RADIL: variants seen among roughly 807,000 people sequenced by gnomAD.
The protein encoded by RADIL is Rap associating with DIL domain.
A neutral mutation model predicts 97.6 loss-of-function variants in RADIL; 99 were observed. The ratio of observed to expected loss-of-function variants is 1.01; its 90% CI spans 0.86 to 1.20. The LOEUF (loss-of-function observed/expected upper bound fraction) is 1.20. Ranked by LOEUF, RADIL falls within the 50% of genes most tolerant of loss-of-function variation. The pLI, the probability that RADIL is intolerant of heterozygous loss-of-function variation, is 0.00. For missense variants in RADIL, 1,765 were observed against 1,498.9 expected (o/e 1.18, Z -2.93); for synonymous variants, 803 against 691.8 (o/e 1.16, Z -2.52).
chr7:4,819,003 A>G lies in RADIL; in HGVS notation c.1616-1652T>C, dbSNP rs1478704284. On this transcript the variant is annotated intron_variant, in intron 6 of 14. Transcript: ENST00000399583. This position sits in a 1 kb window ranked among gnomAD's most constrained non-coding sequence, Gnocchi z 5.8. ...CCAATCTACCCGCCTTGGCCCCCCA[A>G]AGTGCTGGGATTACAGGCATGCACC... Among the ~76,000 whole-genome samples, 4 of 151,342 alleles carry G rather than the reference A, an allele frequency of 2.6e-5. No individual in the cohort carries two copies. Among genetic ancestry groups the G allele is most frequent in the East Asian group, 1.9e-4 (1 of 5,154 alleles).
Position 4,799,873 on chromosome 7 carries a change from T to A in RADIL, c.2983-104A>T, listed in dbSNP as rs1316860880. On this transcript the variant is annotated intron_variant, in intron 13 of 14. Transcript: ENST00000399583. ...GGCACCTACAGGCCCCCGCCTGGCA[T>A]CCAGCCAGGCCCACTCATGGTTTCA... 7 of 1,402,648 alleles carry A rather than the reference T, an allele frequency of 5.0e-6. No homozygotes were observed. In the South Asian group the frequency reaches 7.5e-5, roughly 15 times the overall value. 86.9% of individuals were successfully genotyped at this position (1,402,648 alleles called of 1,614,324 possible).
At chr7:4,832,741 C>CAAAAAAAAAAA (rs71032992) in intron 4 of RADIL, among the ~76,000 whole-genome samples, 1 of 66,520 alleles carries the variant, frequency 1.5e-5, no homozygotes. Context: ...TCCGTCTCAG[C>CAAAAAAAAAAA]AAAAAAAAAA....
chr7:4,828,824 C>T (rs1783065520), intron 5 of RADIL, among the ~76,000 whole-genome samples: 1 of 152,230 alleles, frequency 6.6e-6, no homozygotes, highest in African/African-American at 2.4e-5. Context: ...GAACACACAG[C>T]ACGAGCGGGC....
At position 4,815,496 on chromosome 7, in the gene RADIL, G is replaced by A; in HGVS notation, c.1967-46C>T. On this transcript the variant is annotated intron_variant, in intron 8 of 14. Transcript: ENST00000399583. The surrounding 1 kb of genome is among the most constrained non-coding windows in gnomAD (Gnocchi z 8.0). ...GGTGATGCCTGGGCTGCCCTCCTGG[G>A]GGGACACAGACATGGGCCTGTCCCC... The A allele has an allele frequency of 1.4e-6, 2 of 1,451,804 alleles. No homozygotes were observed. Among genetic ancestry groups the A allele is most frequent in the South Asian group, 2.9e-5 (2 of 69,104 alleles). The allele number at this position is 1,451,804 out of a possible 1,614,324, so 89.9% of individuals were successfully genotyped here. A position where few individuals can be genotyped will look rare whatever the true frequency, so the allele number is the denominator to read the frequency against.
rs202242127 is a variant in RADIL, at chr7:4,803,704, C to T, written c.2341G>A (p.Asp781Asn). 75 of 1,567,208 alleles carry T rather than the reference C, an allele frequency of 4.8e-5. No homozygotes were observed. Among genetic ancestry groups the T allele is most frequent in the African/African-American group, 8.1e-5 (6 of 73,710 alleles). ...ENPPPIVLPSDGFQVDLEANC... is the reference protein window; with the variant it reads ...ENPPPIVLPSNGFQVDLEANC... ...GCTTCCAAGTCCACCTGGAAGCCGT[C>T]GCTGGGCAGGACGATGGGTGGGGGG... Residue 781 changes from aspartate to asparagine, a missense_variant, in exon 11 of 15, where the codon GAC becomes AAC. Asp to Asn is a conservative substitution (Grantham distance 23). Coordinates refer to ENST00000399583, the MANE Select transcript of RADIL (RefSeq NM_018059.5).
chr7:4,835,375 C>A lies in RADIL; in HGVS notation c.784-136G>T, dbSNP rs971503643. 6.9e-6 allele frequency: 8 copies of A among 1,157,824 alleles called. No homozygotes were observed. Among genetic ancestry groups the A allele is most frequent in the Non-Finnish European group, 9.7e-6 (8 of 825,692 alleles). 71.7% of individuals were successfully genotyped at this position (1,157,824 alleles called of 1,614,324 possible). On this transcript the variant is annotated intron_variant, in intron 3 of 14. Transcript: ENST00000399583. This position sits in a 1 kb window ranked among gnomAD's most constrained non-coding sequence, Gnocchi z 5.8. ...CGGGCTCTCCATGTCCCTGGCCACC[C>A]CCACACCAGAACCCCGACGGCTCTC...
intron 2 of RADIL, among the ~76,000 whole-genome samples, chr7:4,876,153 T>A (rs1360552059): frequency 6.6e-6 from 1 of 151,670 alleles, no homozygotes; most frequent in Non-Finnish European, 1.5e-5. Flanking sequence ...CATGCCTGGC[T>A]AATTTTTTTA....
intron 5 of RADIL, among the ~76,000 whole-genome samples, chr7:4,825,854 C>A (rs920492513): frequency 6.9e-6 from 1 of 145,340 alleles, no homozygotes; most frequent in Non-Finnish European, 1.5e-5. Flanking sequence ...TGTACTCCAG[C>A]CTGGGCTACA....
chr7:4,807,261 G>T (rs1484262667), intron 9 of RADIL, among the ~76,000 whole-genome samples: 1 of 151,810 alleles, frequency 6.6e-6, no homozygotes, highest in Admixed American at 6.6e-5. Context: ...GAGGGGTGAG[G>T]GCACAGAACG....
At position 4,815,509 on chromosome 7, in the gene RADIL, T is replaced by C. The variant is rs1387325065; in HGVS notation, c.1967-59A>G. 3 of 1,431,880 alleles carry C rather than the reference T, an allele frequency of 2.1e-6. No individual in the cohort carries two copies. Among genetic ancestry groups the C allele is most frequent in the Non-Finnish European group, 2.8e-6 (3 of 1,084,432 alleles). 88.7% of individuals were successfully genotyped at this position (1,431,880 alleles called of 1,614,324 possible). On this transcript the variant is annotated intron_variant, in intron 8 of 14. Coordinates refer to ENST00000399583, the MANE Select transcript of RADIL (RefSeq NM_018059.5). The surrounding 1 kb of genome is among the most constrained non-coding windows in gnomAD (Gnocchi z 8.0). ...CTGCCCTCCTGGGGGGACACAGACA[T>C]GGGCCTGTCCCCAGAGCCTGCCCTT...
In RADIL at chr7:4,867,176, GA is replaced by G. The variant is rs536643766; in HGVS notation, c.535+10428del. On this transcript the variant is annotated intron_variant, in intron 2 of 14. Transcript: ENST00000399583. This position sits in a 1 kb window ranked among gnomAD's most constrained non-coding sequence, Gnocchi z 4.1. ...TGGCAACAAGAAATGGACTAAAGCA[GA>G]GCCTAAAGGTGTTGAGGGGCACACA... is the stretch of plus-strand genomic sequence containing the variant. Among the ~76,000 whole-genome samples the G allele has an allele frequency of 2.0e-4, 31 of 152,238 alleles. No individual in the cohort carries two copies. Among genetic ancestry groups the G allele is most frequent in the Non-Finnish European group, 4.1e-4 (28 of 68,024 alleles).
At position 4,801,773 on chromosome 7, in the gene RADIL, T is replaced by C; in HGVS notation, c.2722A>G (p.Thr908Ala). Residue 908 changes from threonine (T) to alanine (A), a missense_variant, in exon 12 of 15, where the codon ACT (threonine) becomes GCT (alanine). By Grantham distance (58) the Thr-to-Ala change is moderately conservative (BLOSUM62 0). Coordinates refer to ENST00000399583, the MANE Select transcript of RADIL (RefSeq NM_018059.5). Reference protein sequence around the residue: ...DSSCLLTPPSTPLGPEPGDPD... With the variant: ...DSSCLLTPPSAPLGPEPGDPD... ...TCCCCAGGCTCAGGGCCAAGTGGAG[T>C]GCTGGGAGGCGTGAGCAAGCAGGAC... 2 of 1,610,232 alleles carry C rather than the reference T, an allele frequency of 1.2e-6. No individual in the cohort carries two copies. The highest frequency in any genetic ancestry group is 1.1e-5 in the South Asian group (1 of 90,728).
At position 4,814,043 on chromosome 7, in the gene RADIL, G is replaced by C. The variant is rs550557889; in HGVS notation, c.2139+1235C>G. 7.9e-5 allele frequency among the ~76,000 whole-genome samples: 12 copies of C among 152,212 alleles called. No homozygotes were observed. Among genetic ancestry groups the C allele is most frequent in the Non-Finnish European group, 1.5e-4 (10 of 68,020 alleles). ...GATCCTCCCACCTCAGCCTCTCAAA[G>C]CACTGGGAGGACAGGCATGAGCCAC... On this transcript the variant is annotated intron_variant, in intron 9 of 14. Transcript: ENST00000399583. The surrounding 1 kb of genome is among the most constrained non-coding windows in gnomAD (Gnocchi z 4.5).
In RADIL at chr7:4,815,227, C is replaced by T; in HGVS notation, c.2139+51G>A. 1 of 1,465,246 alleles carries T rather than the reference C, an allele frequency of 6.8e-7. No individual in the cohort carries two copies. The highest frequency in any genetic ancestry group is 9.1e-7 in the Non-Finnish European group (1 of 1,103,608). The allele number at this position is 1,465,246 out of a possible 1,614,324, so 90.8% of individuals were successfully genotyped here. On this transcript the variant is annotated intron_variant, in intron 9 of 14. Transcript: ENST00000399583. This position sits in a 1 kb window ranked among gnomAD's most constrained non-coding sequence, Gnocchi z 8.0. ...TGGTTTGTGAGCCAGGGACCCACAG[C>T]ATGTGGCCCCGCCCCTCCCCACACT...
intron 2 of RADIL, among the ~76,000 whole-genome samples, chr7:4,851,211 A>G (rs999287181): frequency 6.6e-6 from 1 of 151,708 alleles, no homozygotes; most frequent in Non-Finnish European, 1.5e-5. Context: ...AAAAAAAAAG[A>G]AAAAAAGAAA....
In RADIL at chr7:4,801,762, G is replaced by A. The variant is rs765614707; in HGVS notation, c.2733C>T (p.Gly911=). The change falls in exon 12 of 15, where the codon GGC becomes GGT. Residue 911 remains glycine, a synonymous_variant. Coordinates refer to ENST00000399583, the MANE Select transcript of RADIL (RefSeq NM_018059.5). ...CLLTPPSTPL[G]PEPGDPDWPE... ...GCCAGTCGGGGTCCCCAGGCTCAGG[G>A]CCAAGTGGAGTGCTGGGAGGCGTGA... 2 of 1,610,464 alleles carry A rather than the reference G, an allele frequency of 1.2e-6. No homozygotes were observed. Among genetic ancestry groups the A allele is most frequent in the Non-Finnish European group, 1.7e-6 (2 of 1,179,076 alleles).
intron 2 of RADIL, among the ~76,000 whole-genome samples, chr7:4,875,788 T>A (rs961800338): frequency 1.3e-5 from 2 of 152,096 alleles, no homozygotes; most frequent in Non-Finnish European, 2.9e-5. Context: ...GAGGTCTTTT[T>A]GAATCAGGAG....
Position 4,837,952 on chromosome 7 carries a change from C to T in RADIL, c.536-1347G>A, listed in dbSNP as rs1340057556. The T allele has an allele frequency of 1.0e-6, 1 of 985,284 alleles. No individual in the cohort carries two copies. The highest frequency in any genetic ancestry group is 1.7e-5 in the African/African-American group (1 of 57,222). 61.0% of individuals were successfully genotyped at this position (985,284 alleles called of 1,614,324 possible). On this transcript the variant is annotated intron_variant, in intron 2 of 14. Transcript: ENST00000399583. This position sits in a 1 kb window ranked among gnomAD's most constrained non-coding sequence, Gnocchi z 5.6. ...TTTCCTCCAACCATTCCCAATAAAA[C>T]CAAACAAAAGCCGGATGGAGGGAGG...
rs1227654859 is a variant in RADIL, at chr7:4,815,466, G to A, written c.1967-16C>T. 1 of 1,489,924 alleles carries A rather than the reference G, an allele frequency of 6.7e-7. No individual in the cohort carries two copies. The highest frequency in any genetic ancestry group is 1.4e-5 in the South Asian group (1 of 73,580). 92.3% of individuals were successfully genotyped at this position (1,489,924 alleles called of 1,614,324 possible). On this transcript the variant is annotated splice_polypyrimidine_tract_variant and intron_variant, in intron 8 of 14. Coordinates refer to ENST00000399583, the MANE Select transcript of RADIL (RefSeq NM_018059.5). The surrounding 1 kb of genome is among the most constrained non-coding windows in gnomAD (Gnocchi z 8.0). ...AGGGAGGGGCCTGTGGAGGGAAGAA[G>A]GGAGGGTGATGCCTGGGCTGCCCTC...
Sources: gnomAD v4.1 joint callset for allele counts (sites outside exome capture counted in the v4.1 genomes callset) on GRCh38, gnomAD v4.1.1 for gene constraint, Gnocchi (gnomAD v3.1) non-coding constraint, MANE v1.5 for transcripts, NCBI Gene and HGNC (gene_info 2026-07-23, HGNC 2026-07-21) for gene names.